INPP5D: variants seen among roughly 807,000 people sequenced by gnomAD.
INPP5D encodes the protein phosphatidylinositol 3,4,5-trisphosphate 5-phosphatase 1.
Under a neutral mutation model 122.9 loss-of-function variants are expected in INPP5D, and 33 were observed. That is an observed-to-expected ratio of 0.27 (90% CI 0.20 to 0.36). INPP5D has a LOEUF of 0.36. Ranked by LOEUF, INPP5D falls within the 10% of genes least tolerant of loss-of-function variation. The probability of loss-of-function intolerance (pLI) is 1.00; values close to 1 mark genes in which losing one functional copy is unlikely to be tolerated. For synonymous variants in INPP5D, 584 were observed against 576.2 expected (o/e 1.01, Z -0.19); for missense variants, 1,053 against 1,412.7 (o/e 0.75, Z 4.08).
intron 19 of INPP5D, 32 bp from the exon 20 acceptor site, chr2:233,184,376 T>G (rs1694856259): frequency 6.2e-7 from 1 of 1,611,502 alleles, no homozygotes; most frequent in Non-Finnish European, 8.5e-7. Flanking sequence ...AGGCACATTG[T>G]GGAACTGAAT....
chr2:233,092,214 C>T (rs1692011830), intron 2 of INPP5D, among the ~76,000 whole-genome samples: 1 of 152,186 alleles, frequency 6.6e-6, no homozygotes, highest in African/African-American at 2.4e-5. Flanking sequence ...GGGAGCCGTC[C>T]CAGGCTCTGC....
chr2:233,139,664 G>A (rs1693592474), intron 5 of INPP5D, among the ~76,000 whole-genome samples, 178 bp from the exon 6 acceptor site: 1 of 152,212 alleles, frequency 6.6e-6, no homozygotes, highest in African/African-American at 2.4e-5. Context: ...GTTGGGAAGG[G>A]ATGGGTGGGC....
intron 2 of INPP5D, chr2:233,120,745 C>T (rs1443482817): frequency 6.6e-6 from 1 of 152,306 alleles, no homozygotes; most frequent in Admixed American, 6.5e-5. Flanking sequence ...TGCTCAGGGA[C>T]CACCTGGAAC....
Position 233,177,363 on chromosome 2 carries a change from G to C in INPP5D, c.2071+17G>C. 6.2e-7 allele frequency: 1 copy of C among 1,613,666 alleles called. No homozygotes were observed. On this transcript the variant is annotated intron_variant, in intron 18 of 26. Transcript: ENST00000445964. The surrounding 1 kb of genome is among the most constrained non-coding windows in gnomAD (Gnocchi z 4.2). ...AGTCTTATGGTGAGTTCAAACACTG[G>C]GGAAAGCAGAACAGGATCAGAGAAT...
Position 233,183,496 on chromosome 2 carries a change from A to C in INPP5D, c.2162-912A>C, listed in dbSNP as rs935852035. On this transcript the variant is annotated intron_variant, in intron 19 of 26. Coordinates refer to ENST00000445964, the MANE Select transcript of INPP5D (RefSeq NM_001017915.3). This position sits in a 1 kb window ranked among gnomAD's most constrained non-coding sequence, Gnocchi z 4.6. ...AGTCTGGCCACTGTGCCTTTCTAGA[A>C]TCTTCCTAGTCCTTAGGCAGGACCT... Among the ~76,000 whole-genome samples, 2 of 152,110 alleles carry C rather than the reference A, an allele frequency of 1.3e-5. No individual in the cohort carries two copies. The highest frequency in any genetic ancestry group is 4.8e-5 in the African/African-American group (2 of 41,406).
chr2:233,197,429 A>C lies in INPP5D; in HGVS notation c.2694-666A>C, dbSNP rs1695212967. 6.6e-6 allele frequency among the ~76,000 whole-genome samples: 1 copy of C among 152,088 alleles called. No homozygotes were observed. The highest frequency in any genetic ancestry group is 6.5e-5 in the Admixed American group (1 of 15,282). ...TGTGTTCCAGAGGAACCCCTGCTGG[A>C]GTCTGCCCTGAAAATCCCCTCCTTC... On this transcript the variant is annotated intron_variant, in intron 24 of 26. Coordinates refer to ENST00000445964, the MANE Select transcript of INPP5D (RefSeq NM_001017915.3). This position sits in a 1 kb window ranked among gnomAD's most constrained non-coding sequence, Gnocchi z 4.4.
intron 12 of INPP5D, 81 bp downstream of exon 12, chr2:233,163,984 C>T: frequency 1.3e-6 from 2 of 1,521,624 alleles, no homozygotes; most frequent in South Asian, 2.5e-5. Context: ...CAAGGGTGGG[C>T]TCAGCCTATC....
rs570377558 is a variant in INPP5D, at chr2:233,124,307, CT to C, written c.350-1436del. 7.9e-4 allele frequency among the ~76,000 whole-genome samples: 120 copies of C among 152,306 alleles called. 1 individual carries two copies. Among genetic ancestry groups the C allele is most frequent in the East Asian group, 5.0e-3 (26 of 5,184 alleles). On this transcript the variant is annotated intron_variant, in intron 3 of 26. Coordinates refer to ENST00000445964, the MANE Select transcript of INPP5D (RefSeq NM_001017915.3). ...GCCTGGCTCCTGCCTGTTCTGGGGG[CT>C]TGCTGCAGGCATCCTTTTTCTCCCT...
chr2:233,172,128 C>G (rs375855775), intron 17 of INPP5D, among the ~76,000 whole-genome samples: 3 of 152,352 alleles, frequency 2.0e-5, no homozygotes, highest in African/African-American at 7.2e-5. Context: ...GGATGGGACA[C>G]CCCATTCCGC....
rs146741135 is a variant in INPP5D, at chr2:233,091,265, T to G, written c.198+11867T>G. On this transcript the variant is annotated intron_variant, in intron 2 of 26. Coordinates refer to ENST00000445964, the MANE Select transcript of INPP5D (RefSeq NM_001017915.3). Reference sequence around the variant, plus strand: ...TAGCCGCTCCTTATAGCACTCCTGTTTTTTCTTCATAGCCCTTATCGCTGT... The same window carrying G: ...TAGCCGCTCCTTATAGCACTCCTGTGTTTTCTTCATAGCCCTTATCGCTGT... Among the ~76,000 whole-genome samples, 180 of 152,318 alleles carry G rather than the reference T, an allele frequency of 1.2e-3. 1 individual carries two copies. In the East Asian group the frequency reaches 0.018, roughly 16 times the overall value.
intron 13 of INPP5D, 79 bp from the exon 14 acceptor site, chr2:233,169,226 C>T: frequency 1.3e-6 from 2 of 1,540,626 alleles, no homozygotes; most frequent in Non-Finnish European, 1.8e-6. Flanking sequence ...CCCTCTCACC[C>T]TGCCTTCGGG....
At chr2:233,086,710 C>T (rs1381911140) in intron 2 of INPP5D, among the ~76,000 whole-genome samples, 1 of 152,184 alleles carries the variant, frequency 6.6e-6, no homozygotes, top group Non-Finnish European at 1.5e-5. Context: ...TTTCTTTTTG[C>T]TCAAGTTAGT....
intron 6 of INPP5D, among the ~76,000 whole-genome samples, chr2:233,144,964 G>T (rs1465999775): frequency 6.6e-6 from 1 of 152,042 alleles, no homozygotes; most frequent in East Asian, 1.9e-4. Flanking sequence ...CAGCCTGGCT[G>T]CTATATTGAG....
chr2:233,110,911 C>T lies in INPP5D; in HGVS notation c.199-11196C>T, dbSNP rs146966142. 3.8e-3 allele frequency among the ~76,000 whole-genome samples: 565 copies of T among 150,134 alleles called. 2 individuals are homozygous for T. The highest frequency in any genetic ancestry group is 0.013 in the African/African-American group (529 of 40,254). The stretch of plus-strand genomic sequence containing the variant: ...CTGCACTCCAGCCTGGGCGACACAG[C>T]GAGACTCCGTCTCTTAAAAAAAAAA... On this transcript the variant is annotated intron_variant, in intron 2 of 26. Coordinates refer to ENST00000445964, the MANE Select transcript of INPP5D (RefSeq NM_001017915.3).
intron 2 of INPP5D, among the ~76,000 whole-genome samples, chr2:233,119,684 GAAAGAC>G (rs1692914418): frequency 6.6e-6 from 1 of 152,156 alleles, no homozygotes; most frequent in South Asian, 2.1e-4. Context: ...CTTGGAAAGA[GAAAGAC>G]AGAGACAGAG....
chr2:233,169,318 C>T lies in INPP5D; in HGVS notation c.1569C>T (p.Ala523=), dbSNP rs376298269. ...TCTTCTTTTTAGGGAACAAGGGAGC[C>T]GTGGGGGTGTCGTTCATGTTCAATG... ...GIANTLGNKG[A]VGVSFMFNGT... The change falls in exon 14 of 27, where the codon GCC becomes GCT. Residue 523 remains alanine (A), a synonymous_variant. Coordinates refer to ENST00000445964, the MANE Select transcript of INPP5D (RefSeq NM_001017915.3). The T allele has an allele frequency of 2.8e-5, 45 of 1,603,986 alleles. No individual in the cohort carries two copies. Among genetic ancestry groups the T allele is most frequent in the Admixed American group, 1.4e-4 (8 of 58,468 alleles).
In INPP5D at chr2:233,170,420, G is replaced by A. The variant is rs1171680399; in HGVS notation, c.1792-76G>A. Reference sequence around the variant, plus strand: ...TGCAGCCCGGGTCATCCAGCTGCCCGCCCCCAGCCCCGAAGCTTGTCAGGC... The same window carrying A: ...TGCAGCCCGGGTCATCCAGCTGCCCACCCCCAGCCCCGAAGCTTGTCAGGC... On this transcript the variant is annotated intron_variant, in intron 15 of 26. Transcript: ENST00000445964. This position sits in a 1 kb window ranked among gnomAD's most constrained non-coding sequence, Gnocchi z 4.5. The A allele has an allele frequency of 1.3e-5, 20 of 1,590,428 alleles. No individual in the cohort carries two copies. Among genetic ancestry groups the A allele is most frequent in the South Asian group, 7.9e-5 (7 of 88,448 alleles).
chr2:233,138,094 C>G (rs62192872), intron 5 of INPP5D, among the ~76,000 whole-genome samples: 54,559 of 148,508 alleles, frequency 0.37, 11,328 homozygotes, highest in Non-Finnish European at 0.46. Context: ...GCTCACGCCT[C>G]TAATCCCAGC....
intron 13 of INPP5D, among the ~76,000 whole-genome samples, chr2:233,166,170 C>T (rs896499517): frequency 3.9e-5 from 6 of 152,172 alleles, no homozygotes; most frequent in Non-Finnish European, 8.8e-5. Context: ...GCCCAGCAAC[C>T]GCCCCGGGTG....
Sources: gnomAD v4.1 joint callset for allele counts (sites outside exome capture counted in the v4.1 genomes callset) on GRCh38, gnomAD v4.1.1 for gene constraint, Gnocchi (gnomAD v3.1) non-coding constraint, MANE v1.5 for transcripts, NCBI Gene and HGNC (gene_info 2026-07-23, HGNC 2026-07-21) for gene names.